Variants in CAPNS1 observed in about 807,000 individuals in gnomAD.
CAPNS1 encodes the protein calpain small subunit 1, also known as CANP small subunit.
In CAPNS1, 32 loss-of-function variants were observed where a neutral mutation model predicts 39.2. The ratio of observed to expected loss-of-function variants is 0.82; its 90% CI spans 0.62 to 1.10. The LOEUF is 1.10. Ranked by LOEUF, CAPNS1 falls within the 50% of genes least tolerant of loss-of-function variation. CAPNS1 has a pLI of 0.00. For synonymous variants in CAPNS1, 153 were observed against 136.2 expected (o/e 1.12, Z -0.86); for missense variants, 353 against 373.1 (o/e 0.95, Z 0.44).
intron 9 of CAPNS1, among the ~76,000 whole-genome samples, 159 bp downstream of exon 9, chr19:36,146,471 A>C (rs2145930416): frequency 6.6e-6 from 1 of 152,302 alleles, no homozygotes; most frequent in South Asian, 2.1e-4. Flanking sequence ...AGTCTGGTGG[A>C]GGAGACACAA....
intron 6 of CAPNS1, among the ~76,000 whole-genome samples, chr19:36,144,881 G>T (rs1401982018): frequency 1.3e-5 from 2 of 152,336 alleles, no homozygotes; most frequent in African/African-American, 2.4e-5. Flanking sequence ...ACATCCAAAA[G>T]GTTTAGCACA....
At chr19:36,149,417 C>T (rs7255180) in intron 9 of CAPNS1, among the ~76,000 whole-genome samples, 161 bp from the exon 10 acceptor site, 7,370 of 152,198 alleles carry the variant, frequency 0.048, 221 homozygotes, top group Non-Finnish European at 0.059. Flanking sequence ...TTAAATCAGC[C>T]AATACCTGGA....
In CAPNS1 at chr19:36,142,329, C is replaced by A; in HGVS notation, c.239C>A (p.Pro80His). ...GCGGCTGCGCAGTACAACCCGGAGC[C>A]CCCGGTAAGCCCCCTCTGCAACCAG... Reference protein sequence around the residue: ...SEAAAQYNPEPPPPRTHYSNI... With the variant: ...SEAAAQYNPEHPPPRTHYSNI... Residue 80 changes from proline to histidine, a missense_variant, in exon 3 of 11, where the codon CCC (proline) becomes CAC (histidine). Pro to His is a moderately conservative substitution (Grantham distance 77). Coordinates refer to ENST00000246533, the MANE Select transcript of CAPNS1 (RefSeq NM_001749.4). The A allele has an allele frequency of 2.6e-6, 4 of 1,537,076 alleles. No individual in the cohort carries two copies. The highest frequency in any genetic ancestry group is 3.5e-6 in the Non-Finnish European group (4 of 1,128,012).
intron 8 of CAPNS1, 54 bp downstream of exon 8, chr19:36,146,108 C>T: frequency 6.3e-7 from 1 of 1,597,062 alleles, no homozygotes; most frequent in Non-Finnish European, 8.6e-7. Context: ...GAGAAAACCT[C>T]TACTCAGCTG....
At position 36,143,050 on chromosome 19, in the gene CAPNS1, C is replaced by G. The variant is rs1974437333; in HGVS notation, c.392-14C>G. On this transcript the variant is annotated splice_polypyrimidine_tract_variant and intron_variant, in intron 5 of 10. Transcript: ENST00000246533. Reference sequence around the variant, plus strand: ...TTGACCTCTGGCCTCTGACTTTCAACCTGTTACCCACAGACCCTGATCTGA... The same window carrying G: ...TTGACCTCTGGCCTCTGACTTTCAAGCTGTTACCCACAGACCCTGATCTGA... 1 of 1,614,048 alleles carries G rather than the reference C, an allele frequency of 6.2e-7. No homozygotes were observed. Among genetic ancestry groups the G allele is most frequent in the African/African-American group, 1.3e-5 (1 of 74,922 alleles).
chr19:36,145,299 G>C (rs1974524358), intron 6 of CAPNS1: 1 of 146,714 alleles, frequency 6.8e-6, no homozygotes, highest in Non-Finnish European at 1.5e-5. Context: ...CCACCTCCTA[G>C]GTTCAAGCAG....
intron 1 of CAPNS1, 151 bp from the exon 2 acceptor site, chr19:36,140,846 C>T (rs1467577351): frequency 1.5e-5 from 18 of 1,198,780 alleles, no homozygotes; most frequent in Non-Finnish European, 2.0e-5. Flanking sequence ...ATACCTGCCC[C>T]ACCCATCCGC....
At chr19:36,143,020 A>G (rs1269309529) in intron 5 of CAPNS1, 44 bp from the exon 6 acceptor site, 1 of 1,611,186 alleles carries the variant, frequency 6.2e-7, no homozygotes, top group South Asian at 1.1e-5. Flanking sequence ...GGGGTCAGAG[A>G]GGATTTGACC....
chr19:36,143,223 G>T, intron 6 of CAPNS1, 95 bp downstream of exon 6: 1 of 1,077,958 alleles, frequency 9.3e-7, no homozygotes. Flanking sequence ...CATATCCACA[G>T]ATGTGGAAAT....
intron 6 of CAPNS1, chr19:36,144,185 AAAAAAAG>A (rs1222485664): frequency 1.3e-5 from 2 of 150,626 alleles, no homozygotes; most frequent in African/African-American, 2.4e-5. Flanking sequence ...TCAAAAAAAA[AAAAAAAG>A]AAAAAAAAAG....
At chr19:36,141,685 T>G in intron 2 of CAPNS1, 1 of 798,778 alleles carries the variant, frequency 1.3e-6, no homozygotes, top group Non-Finnish European at 1.5e-6. Context: ...CCTAATGGGG[T>G]AGGGTAAATG....
At chr19:36,144,336 C>T (rs971129805) in intron 6 of CAPNS1, among the ~76,000 whole-genome samples, 4 of 152,030 alleles carry the variant, frequency 2.6e-5, no homozygotes, top group Admixed American at 6.6e-5. Context: ...GCAGAGGTTT[C>T]GTCACTGCAC....
At chr19:36,141,312 T>A (rs953961646) in intron 2 of CAPNS1, 92 bp downstream of exon 2, 2 of 1,418,072 alleles carry the variant, frequency 1.4e-6, no homozygotes, top group Non-Finnish European at 1.8e-6. Context: ...AAAAATAGAA[T>A]AGGATTAACC....
intron 7 of CAPNS1, 42 bp from the exon 8 acceptor site, chr19:36,145,934 C>A (rs542620130): frequency 6.2e-6 from 10 of 1,611,376 alleles, no homozygotes; most frequent in South Asian, 2.2e-5. Context: ...AGACACTATG[C>A]CCCACAATGC....
At chr19:36,144,305 G>C (rs1227465211) in intron 6 of CAPNS1, among the ~76,000 whole-genome samples, 1 of 152,060 alleles carries the variant, frequency 6.6e-6, no homozygotes, top group African/African-American at 2.4e-5. Context: ...GCTTGAACCC[G>C]GGAGGCGGAG....
intron 2 of CAPNS1, chr19:36,141,736 A>G: frequency 4.9e-6 from 2 of 409,066 alleles, no homozygotes; most frequent in Non-Finnish European, 6.7e-6. Context: ...GGCTGGATTA[A>G]TGGAGAAAAA....
chr19:36,140,664 C>T, intron 1 of CAPNS1: 1 of 284,354 alleles, frequency 3.5e-6, no homozygotes, highest in Non-Finnish European at 6.5e-6. Flanking sequence ...GGCTCTGGAT[C>T]TCACATTCTA....
Position 36,142,964 on chromosome 19 carries a change from G to A in CAPNS1, c.389G>A (p.Arg130Gln), listed in dbSNP as rs1199377988. 4.3e-6 allele frequency: 7 copies of A among 1,614,048 alleles called. No individual in the cohort carries two copies. The highest frequency in any genetic ancestry group is 3.3e-5 in the South Asian group (3 of 91,090). ...AACATTCTCAATAAGGTTGTGACAC[G>A]ACGTAAGTGACCGGGGTTAAGGAAT... ...LMNILNKVVT[R>Q]HPDLKTDGFG... Residue 130 changes from arginine (R) to glutamine (Q), a missense_variant and splice_region_variant, in exon 5 of 11, where the codon CGA becomes CAA. By Grantham distance (43) the Arg-to-Gln change is conservative (BLOSUM62 1). Coordinates refer to ENST00000246533, the MANE Select transcript of CAPNS1 (RefSeq NM_001749.4).
At chr19:36,142,415 A>G (rs543881038) in intron 3 of CAPNS1, 82 bp downstream of exon 3, 1 of 729,112 alleles carries the variant, frequency 1.4e-6, no homozygotes, top group Non-Finnish European at 2.4e-6. Flanking sequence ...GAGAAGCCCC[A>G]CCTTCCTCCC....
Sources: gnomAD v4.1 joint callset for allele counts (sites outside exome capture counted in the v4.1 genomes callset) on GRCh38, gnomAD v4.1.1 for gene constraint, MANE v1.5 for transcripts, NCBI Gene and HGNC (gene_info 2026-07-23, HGNC 2026-07-21) for gene names.